Variants in SMURF2 observed in about 807,000 individuals in gnomAD.
SMURF2 encodes SMAD specific E3 ubiquitin protein ligase 2.
A neutral mutation model predicts 109.6 loss-of-function variants in SMURF2; 48 were observed. That is an observed-to-expected ratio of 0.44 (90% CI 0.35 to 0.56). SMURF2 has a LOEUF of 0.56. SMURF2 is among the 20% of genes least tolerant of loss of function. The pLI, the probability that SMURF2 is intolerant of heterozygous loss-of-function variation, is 0.01. For synonymous variants in SMURF2, 288 were observed against 317.1 expected (o/e 0.91, Z 0.97); for missense variants, 575 against 909.0 (o/e 0.63, Z 4.72).
chr17:64,547,669 G>A lies in SMURF2; in HGVS notation c.2002C>T (p.Arg668Ter), dbSNP rs1555683262. The A allele has an allele frequency of 1.2e-6, 2 of 1,613,928 alleles. No individual in the cohort carries two copies. The highest frequency in any genetic ancestry group is 1.6e-4 in the Middle Eastern group (1 of 6,062). ...KAVEFFDEERRARLLQFVTGS... is the reference protein window; with the variant it reads ...KAVEFFDEER ...GTCACAAACTGAAGCAATCTTGCTCGTCGCTCTTCATCAAAAAACTCCACA... is the reference window on the plus strand; with the variant it reads ...GTCACAAACTGAAGCAATCTTGCTCATCGCTCTTCATCAAAAAACTCCACA... The change falls in exon 17 of 19, where the codon CGA becomes TGA. Residue 668 changes from arginine to a stop codon, truncating the protein, a stop_gained. Coordinates refer to ENST00000262435, the MANE Select transcript of SMURF2 (RefSeq NM_022739.4). LOFTEE classifies it high-confidence loss of function. The surrounding 1 kb of genome is among the most constrained non-coding windows in gnomAD (Gnocchi z 4.2).
chr17:64,609,402 C>T (rs782729075), intron 1 of SMURF2, among the ~76,000 whole-genome samples: 6 of 152,036 alleles, frequency 3.9e-5, no homozygotes, highest in African/African-American at 7.2e-5. Context: ...AAAAACAGCA[C>T]GGTACTGGTA....
chr17:64,637,666 C>A (rs140613824), intron 1 of SMURF2, among the ~76,000 whole-genome samples: 2 of 151,794 alleles, frequency 1.3e-5, no homozygotes, highest in Non-Finnish European at 2.9e-5. Context: ...CAGGTTCAGG[C>A]GATTCTCCCA....
chr17:64,549,698 C>T (rs1404414541), intron 16 of SMURF2, among the ~76,000 whole-genome samples: 4 of 152,024 alleles, frequency 2.6e-5, no homozygotes, highest in Non-Finnish European at 4.4e-5. Flanking sequence ...GCAGAGGTTG[C>T]GGTAAGTGGA....
intron 10 of SMURF2, among the ~76,000 whole-genome samples, chr17:64,566,433 CCAGGGAGGATCTAT>C (rs782537858): frequency 2.5e-4 from 38 of 151,476 alleles, no homozygotes; most frequent in Admixed American, 7.2e-4. Flanking sequence ...AATATAAACC[CCAGGGAGGATCTAT>C]CAGGTTAGGG....
chr17:64,657,221 G>C (rs1192568905), intron 1 of SMURF2, among the ~76,000 whole-genome samples: 1 of 152,158 alleles, frequency 6.6e-6, no homozygotes, highest in Non-Finnish European at 1.5e-5. Flanking sequence ...ACTCAGGTCA[G>C]GGAAAGTTCT....
intron 10 of SMURF2, among the ~76,000 whole-genome samples, chr17:64,564,881 C>T (rs1278340375): frequency 6.6e-6 from 1 of 152,072 alleles, no homozygotes; most frequent in Non-Finnish European, 1.5e-5. Context: ...GTTACAGCAG[C>T]CCTGGGAAAC....
chr17:64,590,995 TAC>T (rs1193103810), intron 5 of SMURF2, 87 bp downstream of exon 5: 19 of 867,382 alleles, frequency 2.2e-5, no homozygotes, highest in Non-Finnish European at 3.2e-5. Flanking sequence ...ACAATGAAGC[TAC>T]AGTTATTATA....
intron 1 of SMURF2, among the ~76,000 whole-genome samples, chr17:64,634,296 C>A (rs1970386378): frequency 6.6e-6 from 1 of 152,232 alleles, no homozygotes; most frequent in South Asian, 2.1e-4. Context: ...CCTTCCACAG[C>A]ACCAGGTATT....
chr17:64,576,147 G>A (rs117752092), intron 9 of SMURF2, among the ~76,000 whole-genome samples: 2,973 of 152,128 alleles, frequency 0.02, 47 homozygotes, highest in Non-Finnish European at 0.024. Context: ...AGAGGTTGTA[G>A]TGAGCCAGGA....
intron 9 of SMURF2, chr17:64,573,043 C>T (rs191662471): frequency 9.4e-5 from 14 of 149,320 alleles, no homozygotes; most frequent in African/African-American, 2.7e-4. Flanking sequence ...ACCAAAGAAA[C>T]GACATACTCT....
intron 2 of SMURF2, among the ~76,000 whole-genome samples, chr17:64,600,978 G>A (rs1273730077): frequency 6.6e-6 from 1 of 152,146 alleles, no homozygotes; most frequent in African/African-American, 2.4e-5. Flanking sequence ...GCCAGACACA[G>A]TAGCTCACAC....
At chr17:64,566,561 G>GTTTGGTTTTTTTTTTTT (rs1969305868) in intron 10 of SMURF2, among the ~76,000 whole-genome samples, 6 of 43,786 alleles carry the variant, frequency 1.4e-4, no homozygotes, top group Non-Finnish European at 1.7e-4. Flanking sequence ...AAGCTTTCTG[G>GTTTGGTTTTTTTTTTTT]TTTTTTTTTT....
chr17:64,570,500 CCA>C (rs1280880203), intron 10 of SMURF2, among the ~76,000 whole-genome samples: 1 of 152,132 alleles, frequency 6.6e-6, no homozygotes, highest in Non-Finnish European at 1.5e-5. Context: ...CCTCCTGCCC[CCA>C]TTCTTCAGAA....
intron 1 of SMURF2, among the ~76,000 whole-genome samples, chr17:64,648,163 AT>A (rs1257418119): frequency 2.0e-5 from 3 of 151,250 alleles, no homozygotes; most frequent in African/African-American, 4.8e-5. Context: ...CTAAAAAAAA[AT>A]GTTAAATTAT....
chr17:64,602,467 C>T (rs1282770934), intron 2 of SMURF2, among the ~76,000 whole-genome samples: 4 of 152,068 alleles, frequency 2.6e-5, no homozygotes, highest in Non-Finnish European at 5.9e-5. Context: ...CAGTTCAATA[C>T]CTTAATAAAA....
At chr17:64,546,496 G>A (rs1228622526) in intron 17 of SMURF2, among the ~76,000 whole-genome samples, 158 bp from the exon 18 acceptor site, 1 of 152,136 alleles carries the variant, frequency 6.6e-6, no homozygotes, top group African/African-American at 2.4e-5. Context: ...AAAGCATCTG[G>A]GTTTTAAGAG....
rs551767538 is a variant in SMURF2, at chr17:64,645,180, G to A, written c.52+16649C>T. Among the ~76,000 whole-genome samples the A allele has an allele frequency of 7.9e-5, 12 of 152,308 alleles. No individual in the cohort carries two copies. The South Asian group carries it at 1.4e-3, about 18-fold the overall frequency. On this transcript the variant is annotated intron_variant, in intron 1 of 18. Coordinates refer to ENST00000262435, the MANE Select transcript of SMURF2 (RefSeq NM_022739.4). Reference sequence around the variant, plus strand: ...GAGTTCAGAGTGGTAGAACACAGTGGTATGATGGGAAGGCTAGGGCCAAAT... The same window carrying A: ...GAGTTCAGAGTGGTAGAACACAGTGATATGATGGGAAGGCTAGGGCCAAAT...
rs1391069663 is a variant in SMURF2 at position 64,542,419 on chromosome 17, T to G, written c.*3429A>C. On this transcript the variant is annotated 3_prime_UTR_variant, in exon 19 of 19. Coordinates refer to ENST00000262435, the MANE Select transcript of SMURF2 (RefSeq NM_022739.4). ...TGATAAAGCTCATGTAACAAATGAA[T>G]GAAAATACAAAGAATATCAAAGCTA... The G allele has an allele frequency of 1.3e-5, 2 of 152,144 alleles. No homozygotes were observed. The highest frequency in any genetic ancestry group is 4.8e-5 in the African/African-American group (2 of 41,430). The allele number at this position is 152,144 out of a possible 1,614,324, so 9.4% of individuals were successfully genotyped here. A position where few individuals can be genotyped will look rare whatever the true frequency, so the allele number is the denominator to read the frequency against.
intron 1 of SMURF2, among the ~76,000 whole-genome samples, chr17:64,645,726 C>G (rs951343848): frequency 6.6e-6 from 1 of 152,158 alleles, no homozygotes; most frequent in African/African-American, 2.4e-5. Context: ...CCTGCCTCAG[C>G]CTTATGAGTA....
Sources: allele counts gnomAD v4.1 joint callset (sites outside exome capture counted in the v4.1 genomes callset), GRCh38; gene constraint gnomAD v4.1.1; non-coding constraint Gnocchi (gnomAD v3.1); transcripts MANE v1.5; gene names NCBI Gene and HGNC (gene_info 2026-07-23, HGNC 2026-07-21).